The following B4GALNT2 variants were observed in gnomAD, a reference collection of about 807,000 sequenced individuals.
The protein encoded by B4GALNT2 is beta-1,4-N-acetyl-galactosaminyltransferase 2 (SID blood group).
B4GALNT2 carries 42 observed loss-of-function variants against 51.1 expected under a neutral mutation model. The observed-to-expected ratio is 0.82, with a 90% CI of 0.64 to 1.06. The LOEUF (loss-of-function observed/expected upper bound fraction) is 1.06. Among genes scored for constraint, B4GALNT2 ranks in the 50% least tolerant of loss-of-function variants. The pLI is 0.00. For synonymous variants in B4GALNT2, 253 were observed against 251.7 expected (o/e 1.01, Z -0.05); for missense variants, 602 against 633.6 (o/e 0.95, Z 0.54).
At chr17:49,136,629 C>A (rs2042593186) in intron 1 of B4GALNT2, among the ~76,000 whole-genome samples, 1 of 152,034 alleles carries the variant, frequency 6.6e-6, no homozygotes, top group Admixed American at 6.6e-5. Context: ...CCACTGCAAC[C>A]TCCACCTCCT....
At chr17:49,131,154 G>A (rs141992716), upstream of B4GALNT2, among the ~76,000 whole-genome samples, 2 of 152,166 alleles carry the variant, frequency 1.3e-5, no homozygotes, top group African/African-American at 2.4e-5. Flanking sequence ...AATGAAGGAC[G>A]GGAATGAATA....
In B4GALNT2 at chr17:49,171,883, A is replaced by G. The variant is rs114471842; in HGVS notation, c.*2155A>G. 3.2e-3 allele frequency: 1,033 copies of G among 322,714 alleles called. 11 individuals carry two copies. Among genetic ancestry groups the G allele is most frequent in the African/African-American group, 0.022 (961 of 44,064 alleles). 20.0% of individuals were successfully genotyped at this position (322,714 alleles called of 1,614,324 possible). On this transcript the variant is annotated 3_prime_UTR_variant, in exon 11 of 11. Transcript: ENST00000393354. ...TTTGAGCTGCCTTTGCTTTGCCTCA[A>G]TTATAGGAGCAGATTTATTATGGTA...
intron 4 of B4GALNT2, among the ~76,000 whole-genome samples, chr17:49,154,867 G>T (rs1397389524): frequency 6.6e-6 from 1 of 151,766 alleles, no homozygotes; most frequent in Non-Finnish European, 1.5e-5. Flanking sequence ...TAGAGAGGAT[G>T]TACTTGAATT....
chr17:49,125,737 CCGGA>C, the B4GALNT2 span, among the ~76,000 whole-genome samples: 5 of 119,854 alleles, frequency 4.2e-5, no homozygotes, highest in Admixed American at 8.6e-5. Context: ...CCGCCCCGTC[CCGGA>C]GGGAGGTGGG....
the B4GALNT2 span, among the ~76,000 whole-genome samples, chr17:49,123,116 C>G: frequency 6.6e-6 from 1 of 152,166 alleles, no homozygotes; most frequent in South Asian, 2.1e-4. Flanking sequence ...GCTTCCTCAG[C>G]TTTCCAGGCT....
chr17:49,157,204 AG>A (rs2042818607), intron 5 of B4GALNT2, among the ~76,000 whole-genome samples: 1 of 152,172 alleles, frequency 6.6e-6, no homozygotes, highest in East Asian at 1.9e-4. Context: ...TCTGTCACCC[AG>A]TCTGGAGTGC....
chr17:49,132,807 G>T lies in B4GALNT2; in HGVS notation c.14+1G>T. On this transcript the variant is annotated splice_donor_variant, in intron 1 of 10. Transcript: ENST00000393354. LOFTEE classifies it high-confidence loss of function. ...CGGGATTCGGGATGACTTCGGGCGG[G>T]TGAGTGTCCCCGGGGCAGAGCAGAG... 1 of 1,377,962 alleles carries T rather than the reference G, an allele frequency of 7.3e-7. No individual in the cohort carries two copies. Among genetic ancestry groups the T allele is most frequent in the Non-Finnish European group, 9.4e-7 (1 of 1,064,100 alleles). The allele number at this position is 1,377,962 out of a possible 1,614,324, so 85.4% of individuals were successfully genotyped here.
chr17:49,138,488 G>A (rs1171357799), intron 1 of B4GALNT2, among the ~76,000 whole-genome samples: 1 of 152,174 alleles, frequency 6.6e-6, no homozygotes, highest in Non-Finnish European at 1.5e-5. Context: ...TAAAAGTGTG[G>A]TCTGCTTTTG....
At chr17:49,167,361 C>T (rs1167257576) in intron 9 of B4GALNT2, among the ~76,000 whole-genome samples, 1 of 152,214 alleles carries the variant, frequency 6.6e-6, no homozygotes, top group Non-Finnish European at 1.5e-5. Flanking sequence ...GGTTCTAAAT[C>T]ATACCCCTTC....
intron 3 of B4GALNT2, among the ~76,000 whole-genome samples, chr17:49,144,985 G>A (rs149196686): frequency 1.1e-3 from 163 of 152,200 alleles, no homozygotes; most frequent in African/African-American, 3.8e-3. Context: ...ATTGCTTCAC[G>A]TTTTTCTGTC....
chr17:49,141,669 A>G (rs530427803), intron 2 of B4GALNT2, among the ~76,000 whole-genome samples: 4 of 152,310 alleles, frequency 2.6e-5, no homozygotes, highest in African/African-American at 4.8e-5. Flanking sequence ...TTTCGAGAGC[A>G]TGTAGTTTTT....
intron 4 of B4GALNT2, among the ~76,000 whole-genome samples, chr17:49,155,297 CAAAAA>C (rs34869721): frequency 3.5e-4 from 19 of 54,170 alleles, no homozygotes; most frequent in African/African-American, 1.3e-3. Flanking sequence ...GATTCAGTCT[CAAAAA>C]AAAAAAAAAA....
rs1478909776 is a variant in B4GALNT2, at chr17:49,166,101, A to G, written c.955-13A>G. 1 of 1,612,762 alleles carries G rather than the reference A, an allele frequency of 6.2e-7. No individual in the cohort carries two copies. Among genetic ancestry groups the G allele is most frequent in the Non-Finnish European group, 8.5e-7 (1 of 1,179,302 alleles). On this transcript the variant is annotated splice_polypyrimidine_tract_variant and intron_variant, in intron 8 of 10. Coordinates refer to ENST00000393354, the MANE Select transcript of B4GALNT2 (RefSeq NM_001159387.2). ...TATGGGCAACCACTCCTTTAACCTC[A>G]TTTCATCTACAGGGTTGGTTTGCTG...
chr17:49,127,915 A>C (rs2042518866), upstream of B4GALNT2, among the ~76,000 whole-genome samples: 1 of 152,234 alleles, frequency 6.6e-6, no homozygotes, highest in Non-Finnish European at 1.5e-5. Context: ...ATGGCAAGAC[A>C]GAGTGGAGAA....
At chr17:49,155,636 T>C (rs930530377) in intron 4 of B4GALNT2, among the ~76,000 whole-genome samples, 7 of 148,278 alleles carry the variant, frequency 4.7e-5, no homozygotes, top group Admixed American at 3.4e-4. Flanking sequence ...TATAGAAACA[T>C]ATATATTATA....
chr17:49,125,565 T>A, the B4GALNT2 span, among the ~76,000 whole-genome samples: 32 of 152,028 alleles, frequency 2.1e-4, no homozygotes, highest in African/African-American at 6.7e-4. Flanking sequence ...GTCGCCGCCA[T>A]CCGGTCTGGG....
intron 5 of B4GALNT2, among the ~76,000 whole-genome samples, chr17:49,156,951 C>A (rs531267180): frequency 6.6e-6 from 1 of 152,336 alleles, no homozygotes; most frequent in African/African-American, 2.4e-5. Flanking sequence ...CCTTCCTTTC[C>A]CCACTTTATG....
the B4GALNT2 span, among the ~76,000 whole-genome samples, chr17:49,126,057 AGGGGGGAAAG>A: frequency 6.6e-6 from 1 of 152,102 alleles, no homozygotes; most frequent in Non-Finnish European, 1.5e-5. Flanking sequence ...TGGAATAGAA[AGGGGGGAAAG>A]GTGGGGAAAA....
At chr17:49,152,697 T>G in intron 3 of B4GALNT2, 103 bp from the exon 4 acceptor site, 1 of 779,914 alleles carries the variant, frequency 1.3e-6, no homozygotes, top group South Asian at 1.9e-5. Context: ...TTTTGATTTC[T>G]CCATATTGTC....
Sources: allele counts gnomAD v4.1 joint callset (sites outside exome capture counted in the v4.1 genomes callset), GRCh38; gene constraint gnomAD v4.1.1; transcripts MANE v1.5; gene names NCBI Gene and HGNC (gene_info 2026-07-23, HGNC 2026-07-21).